TGFBR3L: variants seen among roughly 807,000 people sequenced by gnomAD.
TGFBR3L encodes transforming growth factor beta receptor 3 like.
A neutral mutation model predicts 20.4 loss-of-function variants in TGFBR3L; 21 were observed. That is an observed-to-expected ratio of 1.03 (90% CI 0.73 to 1.48). TGFBR3L has a LOEUF of 1.48. Among genes scored for constraint, TGFBR3L ranks in the 40% most tolerant of loss-of-function variants. The probability of loss-of-function intolerance (pLI) is 0.00; values close to 1 mark genes in which losing one functional copy is unlikely to be tolerated. For synonymous variants in TGFBR3L, 245 were observed against 244.2 expected, an observed-to-expected ratio of 1.00 and a Z score of -0.03; for missense variants, 479 against 498.0, an observed-to-expected ratio of 0.96 and a Z score of 0.36.
rs1983333744 is a variant in TGFBR3L, at chr19:7,916,880, C to G, written c.535C>G (p.Leu179Val). The stretch of plus-strand genomic sequence containing the variant: ...CTGCCAGCTGAGCCGCTGCCGCCGC[C>G]TCCGGGGAGTCCGCCGGGCGCCTGC... The change falls in exon 2 of 6, where the codon CTC (leucine) becomes GTC (valine). Residue 179 changes from leucine (L) to valine (V), a missense_variant. Leu to Val is a conservative substitution (Grantham distance 32, BLOSUM62 1). Coordinates refer to ENST00000565886, the MANE Select transcript of TGFBR3L (RefSeq NM_001195259.2). 1.5e-6 allele frequency: 2 copies of G among 1,360,480 alleles called. No individual in the cohort carries two copies. Among genetic ancestry groups the G allele is most frequent in the Non-Finnish European group, 1.9e-6 (2 of 1,060,092 alleles). The allele number at this position is 1,360,480 out of a possible 1,614,324, so 84.3% of individuals were successfully genotyped here.
chr19:7,917,932 C>T (rs1423467603), intron 4 of TGFBR3L, 73 bp downstream of exon 5: 10 of 1,389,556 alleles, frequency 7.2e-6, no homozygotes, highest in Non-Finnish European at 9.3e-6. Flanking sequence ...GCCGCGATCC[C>T]GCCTGCGGGG....
rs1029824609 is a variant in TGFBR3L, at chr19:7,915,268, G to A, written c.-1000G>A. ...TGGGATTACAGGTGTGAGCCACCGC[G>A]CCCCACCGATGTCACTCTCTTTCAA... On this transcript the variant is annotated 5_prime_UTR_variant, in exon 1 of 6. Coordinates refer to ENST00000565886, the MANE Select transcript of TGFBR3L (RefSeq NM_001195259.2). Among the ~76,000 whole-genome samples the A allele has an allele frequency of 6.6e-6, 1 of 151,842 alleles. No homozygotes were observed. Among genetic ancestry groups the A allele is most frequent in the African/African-American group, 2.4e-5 (1 of 41,320 alleles).
At chr19:7,917,883 G>A (rs776868540) in intron 4 of TGFBR3L, 24 bp downstream of exon 5, 2 of 1,368,808 alleles carry the variant, frequency 1.5e-6, no homozygotes, top group East Asian at 3.0e-5. Context: ...CCGCCAAGCC[G>A]GGCCCCCAGT....
At position 7,918,048 on chromosome 19, in the gene TGFBR3L, C is replaced by G; in HGVS notation, c.884-9C>G. The stretch of plus-strand genomic sequence containing the variant: ...AGCAGCCCTTCTGCAGCTCGCCTCT[C>G]CCTTCCAGCGCCCCACGCCCCTGGC... On this transcript the variant is annotated splice_polypyrimidine_tract_variant and intron_variant, in intron 4 of 5. Transcript: ENST00000565886. The G allele has an allele frequency of 6.5e-7, 1 of 1,533,648 alleles. No homozygotes were observed. The highest frequency in any genetic ancestry group is 8.7e-7 in the Non-Finnish European group (1 of 1,145,366).
In TGFBR3L at chr19:7,917,841, C is replaced by G; in HGVS notation, c.865C>G (p.Leu289Val). Residue 289 changes from leucine to valine, a missense_variant, in exon 4 of 6, where the codon CTC becomes GTC. Leu to Val is a conservative substitution (Grantham distance 32). Coordinates refer to ENST00000565886, the MANE Select transcript of TGFBR3L (RefSeq NM_001195259.2). ...CGCCGCGCTGGCCGCCGGGCTGGGT[C>G]TCGTCTGTGCGCACTCAGGTACCGA... 2.2e-6 allele frequency: 3 copies of G among 1,376,892 alleles called. No individual in the cohort carries two copies. Among genetic ancestry groups the G allele is most frequent in the South Asian group, 1.7e-5 (1 of 59,804 alleles). The allele number at this position is 1,376,892 out of a possible 1,614,324, so 85.3% of individuals were successfully genotyped here.
Position 7,917,744 on chromosome 19 carries a change from T to C in TGFBR3L, c.768T>C (p.Pro256=). Residue 256 remains proline (P), a synonymous_variant, in exon 4 of 6, where the codon CCT becomes CCC. Transcript: ENST00000565886. ...CCGGCCGTGCAGTGCGCCCTGAGCCTCCCGCGCCGGCCCCCGCGGCCCTGG... is the reference window on the plus strand; with the variant it reads ...CCGGCCGTGCAGTGCGCCCTGAGCCCCCCGCGCCGGCCCCCGCGGCCCTGG... 1 of 1,432,978 alleles carries C rather than the reference T, an allele frequency of 7.0e-7. No individual in the cohort carries two copies. The highest frequency in any genetic ancestry group is 9.1e-7 in the Non-Finnish European group (1 of 1,100,808). The allele number at this position is 1,432,978 out of a possible 1,614,324, so 88.8% of individuals were successfully genotyped here.
chr19:7,918,059 C>T lies in TGFBR3L; in HGVS notation c.886C>T (p.Pro296Ser), dbSNP rs1247227616. 20 of 1,534,550 alleles carry T rather than the reference C, an allele frequency of 1.3e-5. No individual in the cohort carries two copies. In the East Asian group the frequency reaches 2.2e-4, roughly 17 times the overall value. ...TGCAGCTCGCCTCTCCCTTCCAGCG[C>T]CCCACGCCCCTGGCCCGCCCGCGAG... The change falls in exon 5 of 6, where the codon CCC becomes TCC. Residue 296 changes from proline (P) to serine (S), a missense_variant and splice_region_variant. Pro to Ser is a moderately conservative substitution (Grantham distance 74). Transcript: ENST00000565886.
chr19:7,916,963 G>T (rs1404234765), intron 2 of TGFBR3L, 21 bp downstream of exon 3: 1 of 1,277,616 alleles, frequency 7.8e-7, no homozygotes, highest in Non-Finnish European at 9.8e-7. Context: ...GCAGAGCCTG[G>T]AATCCGGGCG....
Position 7,916,406 on chromosome 19 carries a change from G to A in TGFBR3L, c.139G>A (p.Ala47Thr). 2 of 1,535,120 alleles carry A rather than the reference G, an allele frequency of 1.3e-6. No homozygotes were observed. Among genetic ancestry groups the A allele is most frequent in the Middle Eastern group, 1.7e-4 (1 of 5,946 alleles). Residue 47 changes from alanine to threonine, a missense_variant, in exon 1 of 6, where the codon GCT becomes ACT. Ala to Thr is a moderately conservative substitution (Grantham distance 58). Transcript: ENST00000565886. ...TGGGCCGCCCTTCCCCGCCCCGCCA[G>A]CTCCCCCGTTCCCCGCGGCGCCCGG...
In TGFBR3L at chr19:7,917,553, C is replaced by A; in HGVS notation, c.678C>A (p.His226Gln). ...TGGCTGCTGACGGCCCCCACCTGCA[C>A]ACGCTGACGCAGCCTATCGTGGTCA... is the stretch of plus-strand genomic sequence containing the variant. Residue 226 changes from histidine to glutamine, a missense_variant, in exon 3 of 6, where the codon CAC becomes CAA. Physicochemically the swap from His to Gln is conservative, Grantham distance 24 (BLOSUM62 0). Coordinates refer to ENST00000565886, the MANE Select transcript of TGFBR3L (RefSeq NM_001195259.2). 1 of 1,518,800 alleles carries A rather than the reference C, an allele frequency of 6.6e-7. No homozygotes were observed. The allele number at this position is 1,518,800 out of a possible 1,614,324, so 94.1% of individuals were successfully genotyped here.
intron 2 of TGFBR3L, 144 bp downstream of exon 3, chr19:7,917,086 C>T (rs1983346595): frequency 1.7e-6 from 2 of 1,156,994 alleles, no homozygotes; most frequent in Non-Finnish European, 1.1e-6. Flanking sequence ...CCATCTCTGC[C>T]GACAGAGTTT....
At position 7,916,918 on chromosome 19, in the gene TGFBR3L, G is replaced by A; in HGVS notation, c.573G>A (p.Pro191=). The A allele has an allele frequency of 1.5e-6, 2 of 1,291,786 alleles. No homozygotes were observed. The highest frequency in any genetic ancestry group is 2.6e-5 in the South Asian group (1 of 38,500). The allele number at this position is 1,291,786 out of a possible 1,614,324, so 80.0% of individuals were successfully genotyped here. The stretch of plus-strand genomic sequence containing the variant: ...GCCGGGCGCCTGCGCCTCTGACGCC[G>A]CCGCCGCCGCCGCCGCCATCGCGGG... Residue 191 remains proline (P), a synonymous_variant, in exon 2 of 6, where the codon CCG becomes CCA. Coordinates refer to ENST00000565886, the MANE Select transcript of TGFBR3L (RefSeq NM_001195259.2).
chr19:7,916,152 G>T lies in TGFBR3L; in HGVS notation c.-116G>T. The T allele has an allele frequency of 7.0e-7, 1 of 1,437,444 alleles. No individual in the cohort carries two copies. Among genetic ancestry groups the T allele is most frequent in the Non-Finnish European group, 9.1e-7 (1 of 1,099,732 alleles). 89.0% of individuals were successfully genotyped at this position (1,437,444 alleles called of 1,614,324 possible). A position where few individuals can be genotyped will look rare whatever the true frequency, so the allele number is the denominator to read the frequency against. On this transcript the variant is annotated 5_prime_UTR_variant, in exon 1 of 6. Transcript: ENST00000565886. Reference sequence around the variant, plus strand: ...CCCAGGGAGGGCTTCGCCAGCTTCGGAGGCTTCTCTAGGGGCGCATGGCTC... The same window carrying T: ...CCCAGGGAGGGCTTCGCCAGCTTCGTAGGCTTCTCTAGGGGCGCATGGCTC...
At position 7,916,712 on chromosome 19, in the gene TGFBR3L, C is replaced by T. The variant is rs1319797025; in HGVS notation, c.367C>T (p.Leu123=). 1.4e-6 allele frequency: 2 copies of T among 1,473,748 alleles called. No homozygotes were observed. Among genetic ancestry groups the T allele is most frequent in the Non-Finnish European group, 1.8e-6 (2 of 1,119,954 alleles). 91.3% of individuals were successfully genotyped at this position (1,473,748 alleles called of 1,614,324 possible). ...CTCACGCCCGGCCCCGGGGCCCGCC[C>T]TGGCTCTGCTGCGTGAGGGCTGCCC... The change falls in exon 2 of 6, where the codon CTG becomes TTG. Residue 123 remains leucine (L), a synonymous_variant. Coordinates refer to ENST00000565886, the MANE Select transcript of TGFBR3L (RefSeq NM_001195259.2).
intron 4 of TGFBR3L, 32 bp from the exon 6 acceptor site, chr19:7,918,025 C>CCTT: frequency 1.3e-6 from 2 of 1,528,048 alleles, no homozygotes; most frequent in African/African-American, 1.4e-5. Flanking sequence ...TGGCGCGCAG[C>CCTT]AGCCCTTCTG....
rs1256225049 is a variant in TGFBR3L, at chr19:7,916,007, TAGAA to T, written c.-258_-255del. 11 of 562,316 alleles carry T rather than the reference TAGAA, an allele frequency of 2.0e-5. No homozygotes were observed. The Admixed American group carries it at 3.1e-4, about 16-fold the overall frequency. 34.8% of individuals were successfully genotyped at this position (562,316 alleles called of 1,614,324 possible). On this transcript the variant is annotated 5_prime_UTR_variant, in exon 1 of 6. Coordinates refer to ENST00000565886, the MANE Select transcript of TGFBR3L (RefSeq NM_001195259.2). ...GTTGGTGACAGCACCTATCTCCCCT[TAGAA>T]AGGGGAGCCGCCTGTCCTGCTGCGT...
chr19:7,915,776 A>G lies in TGFBR3L; in HGVS notation c.-492A>G, dbSNP rs533871865. ...AATGGATGTGCAGGCAATCTTTCGT[A>G]TTTGGAGATTAGCCGTTTTACCAGG... On this transcript the variant is annotated 5_prime_UTR_variant, in exon 1 of 6. Coordinates refer to ENST00000565886, the MANE Select transcript of TGFBR3L (RefSeq NM_001195259.2). 7.2e-5 allele frequency among the ~76,000 whole-genome samples: 11 copies of G among 152,258 alleles called. No individual in the cohort carries two copies. Among genetic ancestry groups the G allele is most frequent in the African/African-American group, 2.6e-4 (11 of 41,548 alleles).
chr19:7,917,258 G>A (rs1306795673), intron 2 of TGFBR3L, among the ~76,000 whole-genome samples: 1 of 152,192 alleles, frequency 6.6e-6, no homozygotes, highest in Non-Finnish European at 1.5e-5. Flanking sequence ...GCGATCTTGT[G>A]GGGCTGGGAT....
rs779518471 is a variant in TGFBR3L at position 7,916,368 on chromosome 19, G to A, written c.101G>A (p.Arg34His). 1 of 1,535,616 alleles carries A rather than the reference G, an allele frequency of 6.5e-7. No homozygotes were observed. Among genetic ancestry groups the A allele is most frequent in the South Asian group, 1.2e-5 (1 of 84,062 alleles). The change falls in exon 1 of 6, where the codon CGT becomes CAT. Residue 34 changes from arginine (R) to histidine (H), a missense_variant. Transcript: ENST00000565886. ...CCCGGAGGCCTAAAGGGCAGCGCGC[G>A]TTTTCTCTCCTTTGGGCCGCCCTTC...
Sources: allele counts gnomAD v4.1 joint callset (sites outside exome capture counted in the v4.1 genomes callset), GRCh38; gene constraint gnomAD v4.1.1; transcripts MANE v1.5; gene names NCBI Gene and HGNC (gene_info 2026-07-23, HGNC 2026-07-21).